The following GRK5 variants were observed in gnomAD, a reference collection of about 807,000 sequenced individuals.
GRK5 encodes G protein-coupled receptor kinase 5, also known as g protein-coupled receptor kinase GRK5.
Under a neutral mutation model 78.4 loss-of-function variants are expected in GRK5, and 40 were observed. The observed-to-expected ratio is 0.51, with a 90% confidence interval of 0.40 to 0.66. The LOEUF (loss-of-function observed/expected upper bound fraction) is 0.66. GRK5 is among the 30% of genes least tolerant of loss of function. The pLI is 0.00. For missense variants in GRK5, 598 were observed against 759.9 expected, an observed-to-expected ratio of 0.79 and a Z score of 2.50; for synonymous variants, 289 against 296.8, an observed-to-expected ratio of 0.97 and a Z score of 0.27.
At chr10:119,248,177 A>C (rs556059374) in intron 1 of GRK5, among the ~76,000 whole-genome samples, 1 of 152,164 alleles carries the variant, frequency 6.6e-6, no homozygotes, top group East Asian at 1.9e-4. Context: ...ACACCCAGCC[A>C]ATTTTTAAAT....
At chr10:119,352,738 G>A (rs879394716) in intron 2 of GRK5, among the ~76,000 whole-genome samples, 2 of 152,152 alleles carry the variant, frequency 1.3e-5, no homozygotes, top group African/African-American at 2.4e-5. Flanking sequence ...AAAGACAAGA[G>A]TCACTCTTGG....
chr10:119,299,981 C>A (rs987321024), intron 1 of GRK5, among the ~76,000 whole-genome samples: 1 of 152,112 alleles, frequency 6.6e-6, no homozygotes, highest in Non-Finnish European at 1.5e-5. Flanking sequence ...CCACGACAGG[C>A]CCCGGTGTGT....
At chr10:119,302,520 A>G (rs1482713174) in intron 1 of GRK5, among the ~76,000 whole-genome samples, 1 of 152,146 alleles carries the variant, frequency 6.6e-6, no homozygotes, top group African/African-American at 2.4e-5. Flanking sequence ...CAGGCTGCAT[A>G]GGGTGGAGGA....
intron 8 of GRK5, among the ~76,000 whole-genome samples, chr10:119,435,701 A>C (rs1278425486): frequency 1.3e-5 from 2 of 151,478 alleles, no homozygotes; most frequent in Non-Finnish European, 1.5e-5. Flanking sequence ...AGCCCTTCAA[A>C]CTCTTCCAAC....
At chr10:119,437,419 G>T (rs1394378254) in intron 9 of GRK5, among the ~76,000 whole-genome samples, 1 of 152,160 alleles carries the variant, frequency 6.6e-6, no homozygotes, top group Non-Finnish European at 1.5e-5. Flanking sequence ...TTTTCTCCCA[G>T]TCCTTCTGAA....
chr10:119,421,740 C>T (rs1283321380), intron 4 of GRK5, among the ~76,000 whole-genome samples: 1 of 152,198 alleles, frequency 6.6e-6, no homozygotes, highest in Admixed American at 6.5e-5. Flanking sequence ...CTGCAGGCTG[C>T]CCCCCAAGAA....
rs376205003 is a variant in GRK5 at position 119,207,910 on chromosome 10, G to T, written c.-8G>T. On this transcript the variant is annotated 5_prime_UTR_variant, in exon 1 of 16. Transcript: ENST00000392870. ...CCGGCCGGCTCCGTTGCTGACCGCC[G>T]ACTGTCAATGGAGCTGGAAAACATC... 12 of 1,597,974 alleles carry T rather than the reference G, an allele frequency of 7.5e-6. No homozygotes were observed. The African/African-American group carries it at 1.5e-4, about 20-fold the overall frequency.
intron 11 of GRK5, 116 bp from the exon 12 acceptor site, chr10:119,443,428 C>G: frequency 1.1e-6 from 1 of 879,190 alleles, no homozygotes; most frequent in East Asian, 2.7e-5. Context: ...GGGTGGTATT[C>G]ACAGCAGTTG....
chr10:119,452,722 G>A lies in GRK5; in HGVS notation c.1456G>A (p.Val486Met), dbSNP rs1232107776. 1 of 1,614,026 alleles carries A rather than the reference G, an allele frequency of 6.2e-7. No individual in the cohort carries two copies. The highest frequency in any genetic ancestry group is 8.5e-7 in the Non-Finnish European group (1 of 1,180,032). ...GCTGGACATCGAGCAGTTCTCCACTGTGAAGGGCGTCAATCTGGACCACAC... is the reference window on the plus strand; with the variant it reads ...GCTGGACATCGAGCAGTTCTCCACTATGAAGGGCGTCAATCTGGACCACAC... ...DVLDIEQFSTVKGVNLDHTDD... is the reference protein window; with the variant it reads ...DVLDIEQFSTMKGVNLDHTDD... The change falls in exon 14 of 16, where the codon GTG becomes ATG. Residue 486 changes from valine (V) to methionine (M), a missense_variant. Coordinates refer to ENST00000392870, the MANE Select transcript of GRK5 (RefSeq NM_005308.3). The surrounding 1 kb of genome is among the most constrained non-coding windows in gnomAD (Gnocchi z 4.4).
intron 1 of GRK5, among the ~76,000 whole-genome samples, chr10:119,315,679 A>G (rs1364187231): frequency 6.6e-6 from 1 of 152,198 alleles, no homozygotes; most frequent in Non-Finnish European, 1.5e-5. Context: ...AAAGAACTGG[A>G]TGGAGTCTTT....
chr10:119,273,412 A>T (rs1275314030), intron 1 of GRK5, among the ~76,000 whole-genome samples: 2 of 152,140 alleles, frequency 1.3e-5, no homozygotes, highest in Non-Finnish European at 2.9e-5. Context: ...TGAGCTCAGG[A>T]GCTGCAGGCT....
intron 8 of GRK5, among the ~76,000 whole-genome samples, chr10:119,435,024 C>T (rs1852891782): frequency 6.6e-6 from 1 of 152,222 alleles, no homozygotes; most frequent in South Asian, 2.1e-4. Flanking sequence ...TCCACCATGG[C>T]TCGAGCACTG....
intron 1 of GRK5, among the ~76,000 whole-genome samples, chr10:119,209,514 T>TTTTTC (rs1491490932): frequency 2.7e-5 from 3 of 112,128 alleles, no homozygotes; most frequent in African/African-American, 1.1e-4. Context: ...TTTTTTTTTT[T>TTTTTC]CCTAACCTGA....
chr10:119,218,898 AC>A (rs1214655509), intron 1 of GRK5, among the ~76,000 whole-genome samples: 1 of 148,982 alleles, frequency 6.7e-6, no homozygotes, highest in Non-Finnish European at 1.5e-5. Flanking sequence ...AAAATCTGAA[AC>A]TTTTTTTTTT....
At chr10:119,280,488 A>G (rs1849745265) in intron 1 of GRK5, among the ~76,000 whole-genome samples, 1 of 152,188 alleles carries the variant, frequency 6.6e-6, no homozygotes. Context: ...GGCTCTGGTC[A>G]GCTGTCATTC....
chr10:119,354,189 T>C (rs1298760756), intron 2 of GRK5, among the ~76,000 whole-genome samples: 1 of 151,862 alleles, frequency 6.6e-6, no homozygotes, highest in African/African-American at 2.4e-5. Flanking sequence ...ATTGCTACAG[T>C]CAAGCAAATT....
At chr10:119,236,096 G>A (rs1022279414) in intron 1 of GRK5, among the ~76,000 whole-genome samples, 1 of 152,224 alleles carries the variant, frequency 6.6e-6, no homozygotes, top group Non-Finnish European at 1.5e-5. Flanking sequence ...GGCCCAGGTT[G>A]CAGTGGGCTC....
chr10:119,225,552 C>T (rs1017376058), intron 1 of GRK5, among the ~76,000 whole-genome samples: 10 of 152,146 alleles, frequency 6.6e-5, no homozygotes, highest in Admixed American at 6.5e-4. Context: ...AAACCTCACC[C>T]AGTTCTGCAT....
intron 1 of GRK5, among the ~76,000 whole-genome samples, chr10:119,261,417 G>A (rs1175223811): frequency 2.0e-5 from 3 of 149,776 alleles, no homozygotes; most frequent in Non-Finnish European, 4.5e-5. Context: ...TTTCCAGACT[G>A]GGCAGCCAGG....
Sources: allele counts gnomAD v4.1 joint callset (sites outside exome capture counted in the v4.1 genomes callset), GRCh38; gene constraint gnomAD v4.1.1; non-coding constraint Gnocchi (gnomAD v3.1); transcripts MANE v1.5; gene names NCBI Gene and HGNC (gene_info 2026-07-23, HGNC 2026-07-21).